ADGRF5: variants seen among roughly 807,000 people sequenced by gnomAD.
ADGRF5 encodes G-protein coupled receptor 116.
A neutral mutation model predicts 132.3 loss-of-function variants in ADGRF5; 75 were observed. That is an observed-to-expected ratio of 0.57 (90% CI 0.47 to 0.69). ADGRF5 has a LOEUF of 0.69. Among genes scored for constraint, ADGRF5 ranks in the 30% least tolerant of loss-of-function variants. ADGRF5 has a pLI of 0.00. For missense variants in ADGRF5, 1,516 were observed against 1,630.6 expected (o/e 0.93, Z 1.21); for synonymous variants, 629 against 597.6 (o/e 1.05, Z -0.77).
intron 1 of ADGRF5, among the ~76,000 whole-genome samples, chr6:46,912,058 A>C (rs991247015): frequency 3.3e-5 from 5 of 152,158 alleles, no homozygotes; most frequent in African/African-American, 1.2e-4. Flanking sequence ...ATGATATCTA[A>C]TTAAAGGGTA....
At chr6:46,923,600 T>C (rs773924344), upstream of ADGRF5, among the ~76,000 whole-genome samples, 3 of 152,238 alleles carry the variant, frequency 2.0e-5, no homozygotes, top group Non-Finnish European at 4.4e-5. Flanking sequence ...GGGCAAATGC[T>C]GCCTTTTTTC....
chr6:46,942,751 A>T (rs553640516), intron 1 of ADGRF5, among the ~76,000 whole-genome samples: 19 of 152,268 alleles, frequency 1.2e-4, no homozygotes, highest in Admixed American at 9.2e-4. Flanking sequence ...TGCCTATTTT[A>T]TCTCTAGACT....
Position 46,879,929 on chromosome 6 carries a change from GTTC to G in ADGRF5, c.922_924del (p.Glu308del), listed in dbSNP as rs1562180762. ...CTGCTGTTCTGGATTTCCAACTGCTGTTCTTCATAGCGCCAAGACACATTGGAG... is the reference window on the plus strand; with the variant it reads ...CTGCTGTTCTGGATTTCCAACTGCTGTTCATAGCGCCAAGACACATTGGAG... On this transcript the variant is annotated inframe_deletion, in exon 9 of 21. Coordinates refer to ENST00000283296, the MANE Select transcript of ADGRF5 (RefSeq NM_001098518.2). The G allele has an allele frequency of 2.5e-6, 4 of 1,613,892 alleles. No individual in the cohort carries two copies. Among genetic ancestry groups the G allele is most frequent in the Non-Finnish European group, 3.4e-6 (4 of 1,179,776 alleles).
intron 8 of ADGRF5, 61 bp from the exon 9 acceptor site, chr6:46,880,100 C>G: frequency 8.9e-7 from 1 of 1,128,132 alleles, no homozygotes; most frequent in South Asian, 1.3e-5. Flanking sequence ...TGATGCTACT[C>G]ACCACACACA....
At position 46,859,219 on chromosome 6, in the gene ADGRF5, G is replaced by T. The variant is rs200599117; in HGVS notation, c.2684C>A (p.Ser895Ter). Reference protein sequence around the residue: ...KSYLENLQSDSSIVTMAFPTL... With the variant: ...KSYLENLQSD ...TGGGAAAGCCATGGTGACAATAGACGAATCCGACTGCAAGTTTTCTAGATA... is the reference window on the plus strand; with the variant it reads ...TGGGAAAGCCATGGTGACAATAGACTAATCCGACTGCAAGTTTTCTAGATA... The change falls in exon 17 of 21, where the codon TCG becomes TAG. Residue 895 changes from serine (S) to a stop codon, truncating the protein, a stop_gained. Coordinates refer to ENST00000283296, the MANE Select transcript of ADGRF5 (RefSeq NM_001098518.2). LOFTEE classifies it high-confidence loss of function. The T allele has an allele frequency of 6.2e-7, 1 of 1,613,990 alleles. No individual in the cohort carries two copies.
At chr6:46,869,356 G>T (rs1221010006) in intron 11 of ADGRF5, 4 of 985,146 alleles carry the variant, frequency 4.1e-6, no homozygotes, top group Non-Finnish European at 4.8e-6. Flanking sequence ...TTTTGTGGCT[G>T]GAATTATCTC....
intron 8 of ADGRF5, among the ~76,000 whole-genome samples, chr6:46,880,519 C>T (rs1772333030): frequency 1.3e-5 from 2 of 152,242 alleles, no homozygotes; most frequent in South Asian, 4.1e-4. Context: ...ATAATAAAGT[C>T]TGCTTGAGAA....
intron 15 of ADGRF5, among the ~76,000 whole-genome samples, chr6:46,861,653 A>G (rs529306391): frequency 6.6e-6 from 1 of 152,342 alleles, no homozygotes; most frequent in Admixed American, 6.5e-5. Flanking sequence ...AACATGGACC[A>G]TGTGCTACAT....
chr6:46,923,224 C>G (rs1250045218), upstream of ADGRF5, among the ~76,000 whole-genome samples: 1 of 152,208 alleles, frequency 6.6e-6, no homozygotes, highest in Non-Finnish European at 1.5e-5. Context: ...CTGCTCCTGG[C>G]CCTGAGATTC....
intron 1 of ADGRF5, among the ~76,000 whole-genome samples, chr6:46,934,356 CTCCA>C (rs1777717742): frequency 6.6e-6 from 1 of 152,154 alleles, no homozygotes; most frequent in African/African-American, 2.4e-5. Flanking sequence ...TGACTTTCCC[CTCCA>C]TTATTTTCAG....
chr6:46,951,595 T>C (rs1036872927), intron 1 of ADGRF5, among the ~76,000 whole-genome samples: 4 of 152,216 alleles, frequency 2.6e-5, no homozygotes, highest in African/African-American at 9.6e-5. Context: ...AGGGATGATG[T>C]CAGGAACTGG....
chr6:46,854,070 T>C lies in ADGRF5; in HGVS notation c.3963A>G (p.Gly1321=). Residue 1321 remains glycine, a splice_region_variant and synonymous_variant, in exon 21 of 21, where the codon GGA becomes GGG. Coordinates refer to ENST00000283296, the MANE Select transcript of ADGRF5 (RefSeq NM_001098518.2). ...CTTCTGGGGTGGAAACATTATACGT[T>C]CCTGAAAAACAGAGCAGCAACTCAG... The part of the protein sequence containing the change: ...RRFNNLFGKT[G]TYNVSTPEAT... 6.3e-7 allele frequency: 1 copy of C among 1,593,114 alleles called. No homozygotes were observed. Among genetic ancestry groups the C allele is most frequent in the Non-Finnish European group, 8.5e-7 (1 of 1,172,102 alleles).
Position 46,883,724 on chromosome 6 carries a change from C to A in ADGRF5, c.506-59G>T. The stretch of plus-strand genomic sequence containing the variant: ...TGTTAATGTCTGAGTATATACAAAC[C>A]AGAAACATTTGTAAGCTGTTTTTGT... On this transcript the variant is annotated intron_variant, in intron 5 of 20. Transcript: ENST00000283296. 3.3e-6 allele frequency: 3 copies of A among 904,316 alleles called. No homozygotes were observed. In the South Asian group the frequency reaches 4.7e-5, roughly 14 times the overall value. 56.0% of individuals were successfully genotyped at this position (904,316 alleles called of 1,614,324 possible). A position where few individuals can be genotyped will look rare whatever the true frequency, so the allele number is the denominator to read the frequency against.
chr6:46,879,764 T>G (rs2273265), intron 9 of ADGRF5, 54 bp downstream of exon 9: 337,275 of 1,207,014 alleles, frequency 0.28, 48,096 homozygotes, highest in Non-Finnish European at 0.29. Flanking sequence ...CATATTTGCT[T>G]CTTTATAAGC....
At position 46,877,293 on chromosome 6, in the gene ADGRF5, C is replaced by CTCTT. The variant is rs769742527; in HGVS notation, c.1240+908_1240+909insAAGA. ...TTTCTTTCTTTCTTTCTTTCTTTCTCTCTCTCTCTCTCTTTCCTTCCTTCC... is the reference window on the plus strand; with the variant it reads ...TTTCTTTCTTTCTTTCTTTCTTTCTCTCTTTCTCTCTCTCTCTTTCCTTCCTTCC... On this transcript the variant is annotated intron_variant, in intron 10 of 20. Coordinates refer to ENST00000283296, the MANE Select transcript of ADGRF5 (RefSeq NM_001098518.2). 5.1e-5 allele frequency among the ~76,000 whole-genome samples: 3 copies of CTCTT among 58,388 alleles called. No homozygotes were observed. The East Asian group carries it at 1.5e-3, about 28-fold the overall frequency. 38.3% of individuals were successfully genotyped at this position (58,388 alleles called of 152,430 possible).
chr6:46,867,425 C>G (rs1366690722), intron 12 of ADGRF5, among the ~76,000 whole-genome samples: 1 of 152,194 alleles, frequency 6.6e-6, no homozygotes, highest in Non-Finnish European at 1.5e-5. Flanking sequence ...GGATTTCAAA[C>G]CAGGTTTTCA....
chr6:46,878,132 C>T, intron 10 of ADGRF5, 70 bp downstream of exon 10: 1 of 956,186 alleles, frequency 1.0e-6, no homozygotes, highest in Non-Finnish European at 1.7e-6. Flanking sequence ...TTCCATACGC[C>T]ACATCTCCCA....
chr6:46,931,191 C>G (rs1777541152), intron 1 of ADGRF5, among the ~76,000 whole-genome samples: 1 of 152,120 alleles, frequency 6.6e-6, no homozygotes, highest in Non-Finnish European at 1.5e-5. Context: ...GGGTGCTGTC[C>G]CCTCTTACTT....
chr6:46,872,884 G>T (rs1477832656), intron 10 of ADGRF5, among the ~76,000 whole-genome samples: 1 of 152,150 alleles, frequency 6.6e-6, no homozygotes, highest in Non-Finnish European at 1.5e-5. Flanking sequence ...ACGTAAATGT[G>T]TCTTTTTCAG....
Sources: gnomAD v4.1 joint callset for allele counts (sites outside exome capture counted in the v4.1 genomes callset) on GRCh38, gnomAD v4.1.1 for gene constraint, MANE v1.5 for transcripts, NCBI Gene and HGNC (gene_info 2026-07-23, HGNC 2026-07-21) for gene names.